Variants in CAPN13 observed in about 807,000 individuals in gnomAD.
CAPN13 encodes calpain 13.
CAPN13 carries 90 observed loss-of-function variants against 98.4 expected under a neutral mutation model. That is an observed-to-expected ratio of 0.92 (90% CI 0.77 to 1.09). The LOEUF (loss-of-function observed/expected upper bound fraction) is 1.09. Ranked by LOEUF, CAPN13 falls within the 50% of genes least tolerant of loss-of-function variation. CAPN13 has a pLI of 0.00. For missense variants in CAPN13, 887 were observed against 841.3 expected, an observed-to-expected ratio of 1.05 and a Z score of -0.67; for synonymous variants, 330 against 305.5, an observed-to-expected ratio of 1.08 and a Z score of -0.84.
intron 3 of CAPN13, among the ~76,000 whole-genome samples, chr2:30,776,366 C>T (rs940742978): frequency 1.3e-5 from 2 of 152,086 alleles, no homozygotes; most frequent in African/African-American, 4.8e-5. Context: ...ACAGCTGCAC[C>T]AAGCCCGGCT....
intron 5 of CAPN13, 47 bp from the exon 6 acceptor site, chr2:30,764,353 G>T (rs1673006053): frequency 6.3e-7 from 1 of 1,592,842 alleles, no homozygotes; most frequent in Non-Finnish European, 8.6e-7. Context: ...TTGGTGAGAT[G>T]CTCTGGGAGG....
chr2:30,739,231 G>A (rs1393081563), intron 15 of CAPN13, among the ~76,000 whole-genome samples: 1 of 152,164 alleles, frequency 6.6e-6, no homozygotes, highest in Non-Finnish European at 1.5e-5. Context: ...GGGAAGGGAA[G>A]AGGGGATGCT....
intron 8 of CAPN13, among the ~76,000 whole-genome samples, chr2:30,755,721 C>T (rs1322316770): frequency 6.6e-6 from 1 of 152,228 alleles, no homozygotes; most frequent in Non-Finnish European, 1.5e-5. Flanking sequence ...GACAGCAAGG[C>T]AGGGGCCACC....
intron 1 of CAPN13, among the ~76,000 whole-genome samples, chr2:30,798,134 C>A (rs1409815778): frequency 6.6e-6 from 1 of 152,264 alleles, no homozygotes; most frequent in Non-Finnish European, 1.5e-5. Context: ...CCATACGTAG[C>A]TATTGAGCAC....
chr2:30,755,573 A>C (rs931511989), intron 8 of CAPN13, among the ~76,000 whole-genome samples: 7 of 152,202 alleles, frequency 4.6e-5, no homozygotes, highest in African/African-American at 1.4e-4. Flanking sequence ...CACAAGCAGA[A>C]GGGAGCAGCT....
intron 21 of CAPN13, among the ~76,000 whole-genome samples, chr2:30,731,132 A>C (rs1671064651): frequency 6.6e-6 from 1 of 152,158 alleles, no homozygotes; most frequent in African/African-American, 2.4e-5. Context: ...TGCTTTATTA[A>C]GCTATTGGAA....
intron 21 of CAPN13, among the ~76,000 whole-genome samples, 176 bp from the exon 22 acceptor site, chr2:30,730,962 T>C (rs1671053212): frequency 6.6e-6 from 1 of 152,156 alleles, no homozygotes; most frequent in Non-Finnish European, 1.5e-5. Context: ...CATCTTCTGC[T>C]ACTCCCTGAA....
At chr2:30,755,857 C>T (rs57671029) in intron 8 of CAPN13, among the ~76,000 whole-genome samples, 22 of 118,716 alleles carry the variant, frequency 1.9e-4, no homozygotes, top group South Asian at 8.0e-4. Flanking sequence ...TAGATCAATA[C>T]GCTATTGATT....
intron 15 of CAPN13, chr2:30,741,338 C>T (rs746772256): frequency 1.8e-5 from 17 of 963,394 alleles, no homozygotes; most frequent in Non-Finnish European, 2.1e-5. Flanking sequence ...AGATGATCAT[C>T]GGTATCACTT....
chr2:30,781,454 G>A (rs1288586325), intron 2 of CAPN13, among the ~76,000 whole-genome samples: 1 of 152,200 alleles, frequency 6.6e-6, no homozygotes, highest in Non-Finnish European at 1.5e-5. Flanking sequence ...GTCCATGAGG[G>A]TGCTTCCACA....
chr2:30,734,668 C>G (rs1475866685), intron 18 of CAPN13, 144 bp from the exon 19 acceptor site: 4 of 680,576 alleles, frequency 5.9e-6, no homozygotes, highest in Non-Finnish European at 1.1e-5. Context: ...AGTGGCCACA[C>G]CTGGTGAACT....
rs1437749362 is a variant in CAPN13, at chr2:30,770,386, T to C, written c.451A>G (p.Lys151Glu). Residue 151 changes from lysine to glutamate, a missense_variant, in exon 5 of 23, where the codon AAA becomes GAA. Transcript: ENST00000295055. ...TGGCGAGGACGCACAAAGAGGCATT[T>C]ATCTCCCTGGACAGGTAGGCGGTCA... ...IDDRLPVQGD[K>E]CLFVRPRHQN... is the part of the protein sequence containing the mutation. 7.4e-6 allele frequency: 12 copies of C among 1,614,014 alleles called. 1 individual carries two copies. The South Asian group carries it at 1.3e-4, about 18-fold the overall frequency.
chr2:30,743,149 G>A (rs1558617767), intron 13 of CAPN13: 3 of 554,126 alleles, frequency 5.4e-6, no homozygotes. Flanking sequence ...GTCCTCCCGT[G>A]CCACTTTGCA....
intron 7 of CAPN13, among the ~76,000 whole-genome samples, chr2:30,758,565 G>A (rs1423203274): frequency 6.6e-6 from 1 of 152,172 alleles, no homozygotes. Context: ...GCAGCCCAGT[G>A]GGAGCTATGG....
rs368753734 is a variant in CAPN13, at chr2:30,751,184, G to A, written c.1155C>T (p.Val385=). The part of the protein sequence containing the change: ...VQEPMEGTNV[V]VCVTVAVTPS... ...GTGTGACAGCAACTGTGACGCACAC[G>A]ACAACATTGGTGCCTTCCATTGGCT... The change falls in exon 11 of 23, where the codon GTC becomes GTT. Residue 385 remains valine (V), a synonymous_variant. Coordinates refer to ENST00000295055, the MANE Select transcript of CAPN13 (RefSeq NM_144575.3). The A allele has an allele frequency of 3.9e-5, 63 of 1,613,930 alleles. No homozygotes were observed. The highest frequency in any genetic ancestry group is 5.5e-5 in the South Asian group (5 of 91,070).
chr2:30,747,498 G>A (rs1464323205), intron 11 of CAPN13, among the ~76,000 whole-genome samples: 2 of 152,220 alleles, frequency 1.3e-5, no homozygotes, highest in African/African-American at 4.8e-5. Flanking sequence ...CCTTGGGGAG[G>A]AACTTTGAGG....
At chr2:30,793,252 T>TA (rs1674694226) in intron 1 of CAPN13, among the ~76,000 whole-genome samples, 1 of 151,734 alleles carries the variant, frequency 6.6e-6, no homozygotes, top group South Asian at 2.1e-4. Context: ...CTAGAACTAA[T>TA]ACTTAAATTT....
At chr2:30,779,799 T>A (rs1463521295) in intron 2 of CAPN13, among the ~76,000 whole-genome samples, 2 of 151,954 alleles carry the variant, frequency 1.3e-5, no homozygotes, top group Non-Finnish European at 2.9e-5. Flanking sequence ...ACAGCAAGAT[T>A]AATAAATAAA....
chr2:30,727,399 T>G (rs973176987), intron 22 of CAPN13, among the ~76,000 whole-genome samples: 1 of 151,832 alleles, frequency 6.6e-6, no homozygotes, highest in Non-Finnish European at 1.5e-5. Context: ...GGGAGAAAAA[T>G]TTTGCAAATC....
Sources: gnomAD v4.1 joint callset for allele counts (sites outside exome capture counted in the v4.1 genomes callset) on GRCh38, gnomAD v4.1.1 for gene constraint, MANE v1.5 for transcripts, NCBI Gene and HGNC (gene_info 2026-07-23, HGNC 2026-07-21) for gene names.